RAPGEF5: variants seen among roughly 807,000 people sequenced by gnomAD.
RAPGEF5 encodes the protein M-Ras-regulated GEF.
In RAPGEF5, 65 loss-of-function variants were observed where a neutral mutation model predicts 125.2. That is an observed-to-expected ratio of 0.52 (90% CI 0.43 to 0.64). The LOEUF (loss-of-function observed/expected upper bound fraction) is 0.64, where lower values mean the gene tolerates loss of function less well. Among genes scored for constraint, RAPGEF5 ranks in the 30% least tolerant of loss-of-function variants. The probability of loss-of-function intolerance (pLI) is 0.00; values close to 1 mark genes in which losing one functional copy is unlikely to be tolerated. For synonymous variants in RAPGEF5, 391 were observed against 385.9 expected (o/e 1.01, Z -0.16); for missense variants, 958 against 1,048.1 (o/e 0.91, Z 1.19).
intron 23 of RAPGEF5, among the ~76,000 whole-genome samples, chr7:22,131,430 T>A (rs1782912031): frequency 6.6e-6 from 1 of 152,196 alleles, no homozygotes; most frequent in Non-Finnish European, 1.5e-5. Flanking sequence ...TGTGTTTAAG[T>A]CAGAAGACTG....
chr7:22,322,974 C>A (rs118098721), intron 1 of RAPGEF5, among the ~76,000 whole-genome samples: 1 of 152,328 alleles, frequency 6.6e-6, no homozygotes, highest in East Asian at 1.9e-4. Context: ...CCTGCACATG[C>A]CTTGCTGAAT....
intron 3 of RAPGEF5, among the ~76,000 whole-genome samples, chr7:22,312,189 G>A (rs1308234836): frequency 6.6e-6 from 1 of 151,956 alleles, no homozygotes; most frequent in African/African-American, 2.4e-5. Flanking sequence ...GTAAGACTGG[G>A]TGGGACCTCA....
At chr7:22,146,777 C>T in intron 19 of RAPGEF5, 120 bp downstream of exon 19, 2 of 1,251,492 alleles carry the variant, frequency 1.6e-6, no homozygotes, top group Non-Finnish European at 2.1e-6. Context: ...TTCAAGTCCC[C>T]AAATATCTTT....
intron 11 of RAPGEF5, among the ~76,000 whole-genome samples, chr7:22,189,325 T>G (rs1784919684): frequency 6.6e-6 from 1 of 152,108 alleles, no homozygotes. Flanking sequence ...TAATCCACAG[T>G]TTTCCCCCTG....
chr7:22,226,635 G>C (rs1785925355), intron 8 of RAPGEF5, among the ~76,000 whole-genome samples: 1 of 152,182 alleles, frequency 6.6e-6, no homozygotes, highest in Non-Finnish European at 1.5e-5. Context: ...CTAATGGAAA[G>C]TGTGATAGTC....
intron 9 of RAPGEF5, among the ~76,000 whole-genome samples, chr7:22,219,229 G>A (rs1373522239): frequency 6.6e-6 from 1 of 151,966 alleles, no homozygotes; most frequent in Non-Finnish European, 1.5e-5. Context: ...TTCCCAGCAT[G>A]ACGGCAGCAC....
chr7:22,201,242 A>G (rs932089739), intron 9 of RAPGEF5, among the ~76,000 whole-genome samples: 1 of 152,210 alleles, frequency 6.6e-6, no homozygotes, highest in Admixed American at 6.5e-5. Context: ...AGGTAGGAGG[A>G]ATATCATGAC....
chr7:22,207,315 T>C (rs1032900147), intron 9 of RAPGEF5, among the ~76,000 whole-genome samples: 1 of 152,236 alleles, frequency 6.6e-6, no homozygotes, highest in African/African-American at 2.4e-5. Context: ...TAGGAATTTA[T>C]CCTTAAGAAT....
At chr7:22,283,388 C>T (rs1782720330) in intron 6 of RAPGEF5, among the ~76,000 whole-genome samples, 1 of 152,256 alleles carries the variant, frequency 6.6e-6, no homozygotes, top group South Asian at 2.1e-4. Context: ...CTTATTCCAT[C>T]ACCACCAAAA....
intron 5 of RAPGEF5, among the ~76,000 whole-genome samples, chr7:22,306,150 A>C (rs1783334445): frequency 6.6e-6 from 1 of 152,216 alleles, no homozygotes; most frequent in South Asian, 2.1e-4. Flanking sequence ...GGTTGTACTA[A>C]TTTACATTCC....
chr7:22,269,334 C>T (rs538297773), intron 6 of RAPGEF5, among the ~76,000 whole-genome samples: 1 of 152,006 alleles, frequency 6.6e-6, no homozygotes, highest in South Asian at 2.1e-4. Flanking sequence ...TTTTAAATGA[C>T]CTAGCAATCA....
intron 1 of RAPGEF5, among the ~76,000 whole-genome samples, chr7:22,337,960 C>A (rs1299975688): frequency 6.6e-6 from 1 of 152,204 alleles, no homozygotes; most frequent in Non-Finnish European, 1.5e-5. Flanking sequence ...ATAACTAACC[C>A]TGATTGTTAT....
chr7:22,287,857 G>A (rs768427609), intron 6 of RAPGEF5, among the ~76,000 whole-genome samples: 7 of 152,178 alleles, frequency 4.6e-5, no homozygotes, highest in East Asian at 1.9e-4. Flanking sequence ...CTTAGCAACT[G>A]TCTAGTCCAA....
intron 5 of RAPGEF5, among the ~76,000 whole-genome samples, chr7:22,304,003 T>C (rs1340883171): frequency 6.6e-6 from 1 of 152,218 alleles, no homozygotes; most frequent in Non-Finnish European, 1.5e-5. Flanking sequence ...GGATCATGCA[T>C]GTGCAACCAT....
rs13245695 is a variant in RAPGEF5 at position 22,250,090 on chromosome 7, C to A, written c.796+16874G>T. Among the ~76,000 whole-genome samples the A allele has an allele frequency of 1.3e-3, 198 of 152,294 alleles. 1 individual carries two copies. The highest frequency in any genetic ancestry group is 2.6e-3 in the Non-Finnish European group (179 of 68,018). ...CTATCTATGGTTCCTTATCTCCAAA[C>A]AAAAACACTTAACAATAAAATGTAC... On this transcript the variant is annotated intron_variant, in intron 7 of 25. Transcript: ENST00000665637.
intron 1 of RAPGEF5, among the ~76,000 whole-genome samples, chr7:22,320,171 C>T (rs903871358): frequency 6.6e-6 from 1 of 152,140 alleles, no homozygotes; most frequent in African/African-American, 2.4e-5. Flanking sequence ...CCCTTGAAAC[C>T]CTCTCTTCAC....
intron 1 of RAPGEF5, among the ~76,000 whole-genome samples, chr7:22,346,194 T>C (rs1463400859): frequency 6.6e-6 from 1 of 152,162 alleles, no homozygotes; most frequent in Non-Finnish European, 1.5e-5. Flanking sequence ...GATAGAATAC[T>C]GGTATTCCAT....
intron 7 of RAPGEF5, among the ~76,000 whole-genome samples, chr7:22,234,880 ATAATACT>A (rs1786150200): frequency 6.6e-6 from 1 of 152,194 alleles, no homozygotes; most frequent in Non-Finnish European, 1.5e-5. Context: ...TATTATAATA[ATAATACT>A]TAAACACAAA....
In RAPGEF5 at chr7:22,318,023, T is replaced by C; in HGVS notation, c.246A>G (p.Arg82=). 1.3e-6 allele frequency: 2 copies of C among 1,543,740 alleles called. No individual in the cohort carries two copies. Among genetic ancestry groups the C allele is most frequent in the Non-Finnish European group, 1.7e-6 (2 of 1,145,192 alleles). ...SAAGGRTLSR[R]ISNPYLEHTP... ...TATGTTCAAGGTACGGATTAGATAT[T>C]CTTCTTGATAGAGTCTATTTTAAAC... is the stretch of plus-strand genomic sequence containing the variant. Residue 82 remains arginine (R), a synonymous_variant, in exon 2 of 26, where the codon AGA becomes AGG. Coordinates refer to ENST00000665637, the MANE Select transcript of RAPGEF5 (RefSeq NM_012294.5).
Sources: gnomAD v4.1 joint callset for allele counts (sites outside exome capture counted in the v4.1 genomes callset) on GRCh38, gnomAD v4.1.1 for gene constraint, MANE v1.5 for transcripts, NCBI Gene and HGNC (gene_info 2026-07-23, HGNC 2026-07-21) for gene names.